Variants in LMBR1 observed in about 807,000 individuals in gnomAD.
The protein encoded by LMBR1 is limb region 1 protein homolog.
In LMBR1, 52 loss-of-function variants were observed where a neutral mutation model predicts 73.9. The ratio of observed to expected loss-of-function variants is 0.70; its 90% confidence interval spans 0.56 to 0.89. The LOEUF (loss-of-function observed/expected upper bound fraction) is 0.89. Ranked by LOEUF, LMBR1 falls within the 40% of genes least tolerant of loss-of-function variation. The pLI is 0.00. For synonymous variants in LMBR1, 215 were observed against 209.4 expected, an observed-to-expected ratio of 1.03 and a Z score of -0.23; for missense variants, 539 against 579.8, an observed-to-expected ratio of 0.93 and a Z score of 0.72.
intron 1 of LMBR1, among the ~76,000 whole-genome samples, chr7:156,884,152 T>C (rs1801526715): frequency 6.6e-6 from 1 of 152,226 alleles, no homozygotes; most frequent in African/African-American, 2.4e-5. Context: ...TAGAAGACTT[T>C]ACAACCACGT....
intron 5 of LMBR1, among the ~76,000 whole-genome samples, chr7:156,795,869 T>G (rs1270806458): frequency 6.6e-6 from 1 of 152,170 alleles, no homozygotes; most frequent in Non-Finnish European, 1.5e-5. Flanking sequence ...AAATTTTAAT[T>G]GCCTGTCTTA....
chr7:156,714,526 C>T (rs1220661868), intron 15 of LMBR1, among the ~76,000 whole-genome samples: 1 of 152,190 alleles, frequency 6.6e-6, no homozygotes, highest in Non-Finnish European at 1.5e-5. Context: ...TGGCACGAGA[C>T]ACAGACGGGG....
chr7:156,824,122 A>G (rs1277704990), intron 4 of LMBR1, among the ~76,000 whole-genome samples: 1 of 149,558 alleles, frequency 6.7e-6, no homozygotes, highest in Non-Finnish European at 1.5e-5. Flanking sequence ...AACAACAACA[A>G]CAACAATATA....
At chr7:156,785,452 G>C (rs1216065363) in intron 5 of LMBR1, among the ~76,000 whole-genome samples, 1 of 152,132 alleles carries the variant, frequency 6.6e-6, no homozygotes, top group Non-Finnish European at 1.5e-5. Context: ...ATAAGACCCA[G>C]GAGAGGTAAA....
At chr7:156,861,025 C>T (rs183599851) in intron 1 of LMBR1, among the ~76,000 whole-genome samples, 1 of 152,306 alleles carries the variant, frequency 6.6e-6, no homozygotes, top group Non-Finnish European at 1.5e-5. Context: ...GGATGGTGGC[C>T]CTCTTCTCAC....
chr7:156,872,762 C>T (rs1473487366), intron 1 of LMBR1, among the ~76,000 whole-genome samples: 2 of 152,072 alleles, frequency 1.3e-5, no homozygotes, highest in African/African-American at 2.4e-5. Flanking sequence ...GGAGGAAAAA[C>T]GGCAGATGGG....
intron 4 of LMBR1, among the ~76,000 whole-genome samples, chr7:156,807,091 A>C (rs563954021): frequency 8.5e-4 from 130 of 152,160 alleles, no homozygotes; most frequent in African/African-American, 2.9e-3. Context: ...AAAAGTCATG[A>C]TGTATTATCA....
Position 156,725,789 on chromosome 7 carries a change from C to G in LMBR1, c.1042G>C (p.Ala348Pro), listed in dbSNP as rs1399908042. 3 of 1,613,692 alleles carry G rather than the reference C, an allele frequency of 1.9e-6. No homozygotes were observed. Among genetic ancestry groups the G allele is most frequent in the Non-Finnish European group, 2.5e-6 (3 of 1,179,764 alleles). Residue 348 changes from alanine to proline, a missense_variant, in exon 13 of 17, where the codon GCT becomes CCT. Around this residue, in one of 3 missense-constraint regions of LMBR1, gnomAD observed 454 missense variants for 473.4 expected, o/e 0.96. Transcript: ENST00000353442. ...ASLSTFGFVG[A>P]ALEIILIFYL... ...AAAATCAAAATGATTTCAAGCGCAG[C>G]TCCCACAAAACCAAACGTAGAAAGA...
At chr7:156,725,903 C>T in intron 12 of LMBR1, 66 bp from the exon 13 acceptor site, 1 of 1,220,136 alleles carries the variant, frequency 8.2e-7, no homozygotes. Context: ...CCTAAAACAG[C>T]TGTTTCATAA....
intron 15 of LMBR1, among the ~76,000 whole-genome samples, chr7:156,719,761 G>T (rs1186092188): frequency 1.3e-5 from 2 of 152,082 alleles, no homozygotes; most frequent in African/African-American, 4.8e-5. Flanking sequence ...CAGAGATATA[G>T]ATCAATGGAA....
chr7:156,759,854 T>G lies in LMBR1; in HGVS notation c.684+2280A>C, dbSNP rs142658249. ...TCTTATTTCTGACACAGGGCCCTAC[T>G]AGTGTGTCGTTCCCCTATTGACAAT... On this transcript the variant is annotated intron_variant, in intron 8 of 16. Transcript: ENST00000353442. 1.7e-4 allele frequency among the ~76,000 whole-genome samples: 26 copies of G among 152,280 alleles called. No individual in the cohort carries two copies. In the East Asian group the frequency reaches 4.8e-3, roughly 28 times the overall value.
chr7:156,827,753 C>A (rs1445683319), intron 3 of LMBR1, among the ~76,000 whole-genome samples: 2 of 152,056 alleles, frequency 1.3e-5, no homozygotes, highest in Non-Finnish European at 2.9e-5. Flanking sequence ...AAAAACACAT[C>A]TAACAGAGAA....
At chr7:156,734,361 A>C (rs1373166140) in intron 9 of LMBR1, 104 bp from the exon 10 acceptor site, 2 of 623,518 alleles carry the variant, frequency 3.2e-6, no homozygotes, top group East Asian at 5.6e-5. Flanking sequence ...AAATCCTGCT[A>C]ATCAAAAATA....
chr7:156,681,226 T>C lies in LMBR1; in HGVS notation c.*2852A>G. On this transcript the variant is annotated 3_prime_UTR_variant, in exon 17 of 17. Transcript: ENST00000353442. ...ATCACTGAGGCTGCAGGGAGGGCCA[T>C]GGGCACCCAGCAGATGGGGAGGCCG... is the stretch of plus-strand genomic sequence containing the variant. The C allele has an allele frequency of 2.2e-6, 1 of 444,846 alleles. No homozygotes were observed. The highest frequency in any genetic ancestry group is 7.0e-5 in the East Asian group (1 of 14,238). 27.6% of individuals were successfully genotyped at this position (444,846 alleles called of 1,614,324 possible). A position where few individuals can be genotyped will look rare whatever the true frequency, so the allele number is the denominator to read the frequency against.
intron 3 of LMBR1, among the ~76,000 whole-genome samples, chr7:156,828,876 C>G (rs1002789758): frequency 2.0e-5 from 3 of 152,160 alleles, no homozygotes; most frequent in Non-Finnish European, 4.4e-5. Context: ...CCAAATTTTC[C>G]CTTTTCCTCC....
intron 9 of LMBR1, among the ~76,000 whole-genome samples, chr7:156,755,658 G>C (rs575334532): frequency 1.3e-5 from 2 of 152,312 alleles, no homozygotes; most frequent in East Asian, 3.9e-4. Context: ...TTAAACATTA[G>C]TTTTAAGTAA....
chr7:156,708,901 C>T (rs1222834015), intron 15 of LMBR1, among the ~76,000 whole-genome samples: 1 of 152,094 alleles, frequency 6.6e-6, no homozygotes, highest in African/African-American at 2.4e-5. Flanking sequence ...TGGCTCTCCC[C>T]AACTTCCCTG....
At chr7:156,823,325 A>T (rs920148909) in intron 4 of LMBR1, 8 of 152,092 alleles carry the variant, frequency 5.3e-5, no homozygotes, top group Non-Finnish European at 1.0e-4. Flanking sequence ...ATGGCTAAAA[A>T]CAAGAGGCAC....
intron 1 of LMBR1, among the ~76,000 whole-genome samples, chr7:156,842,155 A>G (rs947757983): frequency 6.6e-6 from 1 of 150,866 alleles, no homozygotes; most frequent in Non-Finnish European, 1.5e-5. Context: ...AATCAGATAC[A>G]TACGGAGAGT....
Sources: allele counts gnomAD v4.1 joint callset (sites outside exome capture counted in the v4.1 genomes callset), GRCh38; gene constraint gnomAD v4.1.1; regional missense constraint gnomAD v4.1.1; transcripts MANE v1.5; gene names NCBI Gene and HGNC (gene_info 2026-07-23, HGNC 2026-07-21).